SNX18: variants seen among roughly 807,000 people sequenced by gnomAD.
The protein encoded by SNX18 is sorting nexin 18.
In SNX18, 35 loss-of-function variants were observed where a neutral mutation model predicts 48.7. That is an observed-to-expected ratio of 0.72 (90% confidence interval 0.55 to 0.95). The LOEUF (loss-of-function observed/expected upper bound fraction) is 0.95. Ranked by LOEUF, SNX18 falls within the 40% of genes least tolerant of loss-of-function variation. SNX18 has a pLI of 0.00. For missense variants in SNX18, 824 were observed against 871.0 expected (o/e 0.95, Z 0.68); for synonymous variants, 492 against 384.7 (o/e 1.28, Z -3.26).
chr5:54,548,876 CA>C (rs1307903640), downstream of SNX18, among the ~76,000 whole-genome samples: 1 of 152,150 alleles, frequency 6.6e-6, no homozygotes, highest in African/African-American at 2.4e-5. Context: ...CTGCAGATAA[CA>C]AAATCTGTAG....
intron 1 of SNX18, among the ~76,000 whole-genome samples, chr5:54,536,434 A>T (rs1441028938): frequency 6.9e-6 from 1 of 144,416 alleles, no homozygotes; most frequent in African/African-American, 2.6e-5. Context: ...CCTGTGTCCA[A>T]GTGTTCTCAT....
intron 1 of SNX18, among the ~76,000 whole-genome samples, chr5:54,542,531 T>C (rs1762490823): frequency 6.6e-6 from 1 of 152,250 alleles, no homozygotes. Flanking sequence ...TTCTGTGTGC[T>C]GAGCACTTCA....
At chr5:54,576,978 T>C in the SNX18 span, among the ~76,000 whole-genome samples, 1 of 152,030 alleles carries the variant, frequency 6.6e-6, no homozygotes, top group Admixed American at 6.6e-5. Context: ...ATTTTTGTAT[T>C]TTTAGTAGAG....
the SNX18 span, among the ~76,000 whole-genome samples, chr5:54,559,677 C>T: frequency 3.3e-5 from 5 of 152,070 alleles, no homozygotes. Context: ...ATGACAGACA[C>T]CAAAAGCAAT....
intron 1 of SNX18, 152 bp downstream of exon 1, chr5:54,519,725 G>A (rs752716205): frequency 1.1e-5 from 17 of 1,614,106 alleles, no homozygotes; most frequent in African/African-American, 6.7e-5. Flanking sequence ...TTTCCCTAGA[G>A]TGTAAGTTGG....
chr5:54,582,288 G>A, the SNX18 span, among the ~76,000 whole-genome samples: 2 of 152,152 alleles, frequency 1.3e-5, no homozygotes, highest in African/African-American at 2.4e-5. Flanking sequence ...TATCTCAGAT[G>A]GTAGCAGATG....
chr5:54,553,840 A>G, the SNX18 span, among the ~76,000 whole-genome samples: 11 of 152,142 alleles, frequency 7.2e-5, no homozygotes, highest in Non-Finnish European at 1.6e-4. Flanking sequence ...AGCATCTCCA[A>G]CGTGGGGGTT....
rs757821441 is a variant in SNX18 at position 54,545,300 on chromosome 5, A to G, written c.*1868A>G. ...ATGTTAATTTTGCGGAAGTCTGGAA[A>G]TTATAACTATAGCATTTAAGTTTGA... On this transcript the variant is annotated 3_prime_UTR_variant, in exon 2 of 2. Transcript: ENST00000381410. The G allele has an allele frequency of 2.6e-5, 4 of 152,216 alleles. No homozygotes were observed. Among genetic ancestry groups the G allele is most frequent in the Non-Finnish European group, 4.4e-5 (3 of 68,026 alleles). The allele number at this position is 152,216 out of a possible 1,614,324, so 9.4% of individuals were successfully genotyped here. A position where few individuals can be genotyped will look rare whatever the true frequency, so the allele number is the denominator to read the frequency against.
chr5:54,643,551 A>G, the SNX18 span: 1 of 152,230 alleles, frequency 6.6e-6, no homozygotes, highest in Non-Finnish European at 1.5e-5. Flanking sequence ...CCATGAATGT[A>G]GTTCTAGTAA....
the SNX18 span, among the ~76,000 whole-genome samples, chr5:54,647,860 T>C: frequency 1.3e-5 from 2 of 152,038 alleles, no homozygotes; most frequent in Non-Finnish European, 2.9e-5. Context: ...GAGTAGGATC[T>C]GCAGAACTTG....
At chr5:54,601,744 C>T in the SNX18 span, among the ~76,000 whole-genome samples, 1 of 152,160 alleles carries the variant, frequency 6.6e-6, no homozygotes, top group Non-Finnish European at 1.5e-5. Context: ...TGACCCTTCT[C>T]TCTTACTCTA....
the SNX18 span, among the ~76,000 whole-genome samples, chr5:54,588,306 C>CTTTTTTTTTTTTT: frequency 7.4e-4 from 55 of 73,916 alleles, 8 homozygotes; most frequent in East Asian, 2.4e-3. Context: ...TATTTCTATT[C>CTTTTTTTTTTTTT]TTTTTTTTTT....
chr5:54,617,042 T>A, the SNX18 span, among the ~76,000 whole-genome samples: 1 of 152,006 alleles, frequency 6.6e-6, no homozygotes, highest in Admixed American at 6.6e-5. Flanking sequence ...ATGAAGGAGG[T>A]CTCTTGATTT....
At chr5:54,639,829 T>C in the SNX18 span, among the ~76,000 whole-genome samples, 3 of 152,156 alleles carry the variant, frequency 2.0e-5, no homozygotes, top group African/African-American at 7.2e-5. Context: ...GTTAAGTGAT[T>C]AGGCTGACCA....
At chr5:54,519,799 A>C (rs1354554453) in intron 1 of SNX18, 6 of 1,612,900 alleles carry the variant, frequency 3.7e-6, no homozygotes, top group Non-Finnish European at 4.2e-6. Context: ...TCTTTCTCGA[A>C]GGTTCAAAGA....
At chr5:54,551,558 C>A (rs1349259499), downstream of SNX18, among the ~76,000 whole-genome samples, 1 of 152,186 alleles carries the variant, frequency 6.6e-6, no homozygotes, top group African/African-American at 2.4e-5. Context: ...ATGATACTGC[C>A]GTTACGTTCA....
At chr5:54,613,093 G>A in the SNX18 span, among the ~76,000 whole-genome samples, 10 of 152,204 alleles carry the variant, frequency 6.6e-5, no homozygotes, top group Admixed American at 2.0e-4. Flanking sequence ...GGATGGGAGC[G>A]GTGCTCATGC....
the SNX18 span, among the ~76,000 whole-genome samples, chr5:54,638,287 T>G: frequency 1.3e-5 from 2 of 152,142 alleles, no homozygotes; most frequent in African/African-American, 4.8e-5. Context: ...CCAACCCCAG[T>G]CCACAGATAT....
At chr5:54,610,338 A>T in the SNX18 span, among the ~76,000 whole-genome samples, 1 of 152,088 alleles carries the variant, frequency 6.6e-6, no homozygotes, top group East Asian at 1.9e-4. Context: ...ACCACTGAAC[A>T]TGTCGCTACA....
Sources: gnomAD v4.1 joint callset for allele counts (sites outside exome capture counted in the v4.1 genomes callset) on GRCh38, gnomAD v4.1.1 for gene constraint, MANE v1.5 for transcripts, NCBI Gene and HGNC (gene_info 2026-07-23, HGNC 2026-07-21) for gene names.